The following GOSR1 variants were observed in gnomAD, a reference collection of about 807,000 sequenced individuals.
The protein encoded by GOSR1 is golgi SNAP receptor complex member 1.
A neutral mutation model predicts 35.5 loss-of-function variants in GOSR1; 21 were observed. The ratio of observed to expected loss-of-function variants is 0.59; its 90% CI spans 0.42 to 0.85. The LOEUF (loss-of-function observed/expected upper bound fraction) is 0.85, where lower values mean the gene tolerates loss of function less well. Ranked by LOEUF, GOSR1 falls within the 40% of genes least tolerant of loss-of-function variation. GOSR1 has a pLI of 0.00. For missense variants in GOSR1, 285 were observed against 309.6 expected, an observed-to-expected ratio of 0.92 and a Z score of 0.60; for synonymous variants, 94 against 106.6, an observed-to-expected ratio of 0.88 and a Z score of 0.73.
intron 8 of GOSR1, 78 bp downstream of exon 8, chr17:30,520,099 A>AG: frequency 1.1e-6 from 1 of 892,720 alleles, no homozygotes; most frequent in Non-Finnish European, 1.9e-6. Flanking sequence ...TATAGGGGGC[A>AG]GGTTGCCATC....
chr17:30,504,911 C>G (rs1028040265), intron 6 of GOSR1, among the ~76,000 whole-genome samples: 1 of 152,188 alleles, frequency 6.6e-6, no homozygotes, highest in East Asian at 1.9e-4. Context: ...AGAACAGATA[C>G]AAGAGAATTA....
At chr17:30,495,048 T>A (rs1384658340) in intron 6 of GOSR1, among the ~76,000 whole-genome samples, 2 of 151,354 alleles carry the variant, frequency 1.3e-5, no homozygotes, top group Non-Finnish European at 2.9e-5. Context: ...ATTAGCCGGG[T>A]ATGGTGGTGG....
Position 30,507,286 on chromosome 17 carries a change from A to G in GOSR1, c.510-3594A>G, listed in dbSNP as rs1408922014. ...GATGCCATTAAGAACATTCATGAGG[A>G]GGTCAAAATATCAACATTAACAGGA... On this transcript the variant is annotated intron_variant, in intron 6 of 8. Transcript: ENST00000451249. 2.0e-5 allele frequency among the ~76,000 whole-genome samples: 3 copies of G among 152,214 alleles called. 1 individual carries two copies. The highest frequency in any genetic ancestry group is 7.2e-5 in the African/African-American group (3 of 41,460).
intron 5 of GOSR1, among the ~76,000 whole-genome samples, chr17:30,490,923 C>G (rs1915002604): frequency 6.6e-6 from 1 of 152,108 alleles, no homozygotes; most frequent in African/African-American, 2.4e-5. Context: ...CAATTTGGAG[C>G]CATCTAATGA....
intron 6 of GOSR1, among the ~76,000 whole-genome samples, chr17:30,499,024 A>G (rs1447107423): frequency 1.3e-5 from 2 of 152,176 alleles, no homozygotes; most frequent in South Asian, 4.1e-4. Flanking sequence ...CCCGTCCCTC[A>G]GTCCCGGGCA....
intron 1 of GOSR1, 107 bp from the exon 2 acceptor site, chr17:30,481,036 A>G: frequency 1.4e-6 from 1 of 739,078 alleles, no homozygotes; most frequent in Non-Finnish European, 2.4e-6. Context: ...TGGGGGTAAC[A>G]AGATCAGTAT....
rs1227756428 is a variant in GOSR1, at chr17:30,510,896, G to A, written c.526G>A (p.Glu176Lys). 4 of 1,550,006 alleles carry A rather than the reference G, an allele frequency of 2.6e-6. No individual in the cohort carries two copies. The East Asian group carries it at 6.8e-5, about 26-fold the overall frequency. Residue 176 changes from glutamate (E) to lysine (K), a missense_variant, in exon 7 of 9, where the codon GAA (glutamate) becomes AAA (lysine). By Grantham distance (56) the Glu-to-Lys change is moderately conservative. Around this residue, in one of 3 missense-constraint regions of GOSR1, gnomAD observed 168 missense variants for 183.2 expected, o/e 0.92. Coordinates refer to ENST00000451249, the MANE Select transcript of GOSR1 (RefSeq NM_001007025.2). ...TATTTGCAGCTCAGATCGTCTGATA[G>A]AAGAGACAATAAGGTAGGAATAAGT... ...DHLRNSDRLI[E>K]ETISIAMATK...
intron 1 of GOSR1, chr17:30,479,660 C>G (rs1914202468): frequency 6.6e-6 from 1 of 152,454 alleles, no homozygotes; most frequent in African/African-American, 2.4e-5. Context: ...AGGCGCCCAC[C>G]ACCACGCCTG....
rs142898376 is a variant in GOSR1 at position 30,523,929 on chromosome 17, G to A, written c.*1551G>A. 6.8e-3 allele frequency: 1,546 copies of A among 226,022 alleles called. 55 individuals are homozygous for A. Among genetic ancestry groups the A allele is most frequent in the South Asian group, 0.047 (781 of 16,730 alleles). The allele number at this position is 226,022 out of a possible 1,614,324, so 14.0% of individuals were successfully genotyped here. On this transcript the variant is annotated 3_prime_UTR_variant, in exon 9 of 9. Coordinates refer to ENST00000451249, the MANE Select transcript of GOSR1 (RefSeq NM_001007025.2). Reference sequence around the variant, plus strand: ...TCTATGACCTTACCCCCAACCTGGTGCTCTCTGAAACATGTGCTGTGTCCA... The same window carrying A: ...TCTATGACCTTACCCCCAACCTGGTACTCTCTGAAACATGTGCTGTGTCCA...
intron 8 of GOSR1, 77 bp from the exon 9 acceptor site, chr17:30,522,177 C>A (rs912461275): frequency 1.7e-6 from 2 of 1,165,266 alleles, no homozygotes; most frequent in Non-Finnish European, 2.4e-6. Context: ...CACCACTGAT[C>A]TCTATTTTTG....
In GOSR1 at chr17:30,479,456, A is replaced by G. The variant is rs138080263; in HGVS notation, c.32-1687A>G. 4 of 152,320 alleles carry G rather than the reference A, an allele frequency of 2.6e-5. No individual in the cohort carries two copies. In the East Asian group the frequency reaches 7.7e-4, roughly 29 times the overall value. 9.4% of individuals were successfully genotyped at this position (152,320 alleles called of 1,614,324 possible). On this transcript the variant is annotated intron_variant, in intron 1 of 8. Transcript: ENST00000451249. Reference sequence around the variant, plus strand: ...ACTCATATTCGACCTTGTTAGTAGCACATTGTTTATTGTTAGTTTTAGCCC... The same window carrying G: ...ACTCATATTCGACCTTGTTAGTAGCGCATTGTTTATTGTTAGTTTTAGCCC...
chr17:30,479,149 TGC>T (rs1914160752), intron 1 of GOSR1: 1 of 152,290 alleles, frequency 6.6e-6, no homozygotes, highest in Admixed American at 6.5e-5. Context: ...TGGGCAAATA[TGC>T]TCCACTATGT....
At chr17:30,512,790 C>G (rs1967662498) in intron 7 of GOSR1, among the ~76,000 whole-genome samples, 1 of 152,030 alleles carries the variant, frequency 6.6e-6, no homozygotes, top group Non-Finnish European at 1.5e-5. Flanking sequence ...CTTTATTTCC[C>G]TTTCTTTCTG....
chr17:30,491,551 C>T (rs181043916), intron 5 of GOSR1, among the ~76,000 whole-genome samples: 5 of 151,910 alleles, frequency 3.3e-5, no homozygotes, highest in East Asian at 1.9e-4. Context: ...CCCAGCCACT[C>T]GGGAGGCTGA....
rs1968073406 is a variant in GOSR1 at position 30,522,449 on chromosome 17, G to A, written c.*71G>A. ...GGTCTGGAATAAGGAAACATCGGAG[G>A]GAGAAGTTGACTGTCTTGATAATTA... On this transcript the variant is annotated 3_prime_UTR_variant, in exon 9 of 9. Transcript: ENST00000451249. The A allele has an allele frequency of 7.7e-7, 1 of 1,303,820 alleles. No individual in the cohort carries two copies. The highest frequency in any genetic ancestry group is 1.7e-5 in the South Asian group (1 of 57,868). The allele number at this position is 1,303,820 out of a possible 1,614,324, so 80.8% of individuals were successfully genotyped here.
intron 6 of GOSR1, chr17:30,495,484 G>A (rs1207981748): frequency 4.4e-6 from 2 of 454,514 alleles, no homozygotes; most frequent in African/African-American, 2.0e-5. Context: ...AGCAGAAAAA[G>A]CCTCATCTCT....
At chr17:30,490,103 G>T in intron 4 of GOSR1, 23 bp from the exon 5 acceptor site, 1 of 1,039,614 alleles carries the variant, frequency 9.6e-7, no homozygotes, top group South Asian at 1.3e-5. Context: ...CTTCTGTTGA[G>T]ACTGGATGTT....
rs1410451281 is a variant in GOSR1 at position 30,526,732 on chromosome 17, TG to T, written c.*4355del. ...TTTTATTGTATTTGTACTTAATTTTTGTTCTCATCTAAATGTGCATTTTCTG... is the reference window on the plus strand; with the variant it reads ...TTTTATTGTATTTGTACTTAATTTTTTTCTCATCTAAATGTGCATTTTCTG... On this transcript the variant is annotated 3_prime_UTR_variant, in exon 9 of 9. Coordinates refer to ENST00000451249, the MANE Select transcript of GOSR1 (RefSeq NM_001007025.2). 1.3e-5 allele frequency: 2 copies of T among 152,666 alleles called. No homozygotes were observed. The highest frequency in any genetic ancestry group is 4.8e-5 in the African/African-American group (2 of 41,466). 9.5% of individuals were successfully genotyped at this position (152,666 alleles called of 1,614,324 possible). A position where few individuals can be genotyped will look rare whatever the true frequency, so the allele number is the denominator to read the frequency against.
intron 7 of GOSR1, among the ~76,000 whole-genome samples, chr17:30,512,063 C>T (rs181471566): frequency 3.4e-4 from 52 of 152,310 alleles, no homozygotes; most frequent in African/African-American, 1.2e-3. Flanking sequence ...TCTATTTAAA[C>T]CACTGCTATA....
Sources: gnomAD v4.1 joint callset for allele counts (sites outside exome capture counted in the v4.1 genomes callset) on GRCh38, gnomAD v4.1.1 for gene constraint, gnomAD v4.1.1 regional missense constraint, MANE v1.5 for transcripts, NCBI Gene and HGNC (gene_info 2026-07-23, HGNC 2026-07-21) for gene names.